Variants in ZNF738 observed in about 807,000 individuals in gnomAD.
ZNF738 encodes the protein zinc finger protein 738.
Under a neutral mutation model 9.2 loss-of-function variants are expected in ZNF738, and 10 were observed. The ratio of observed to expected loss-of-function variants is 1.09; its 90% confidence interval spans 0.67 to 1.85. The LOEUF is 1.85. Ranked by LOEUF, ZNF738 falls within the 40% of genes most tolerant of loss-of-function variation. The probability of loss-of-function intolerance (pLI) is 0.00; values close to 1 mark genes in which losing one functional copy is unlikely to be tolerated. For synonymous variants in ZNF738, 113 were observed against 94.5 expected (o/e 1.20, Z -1.14); for missense variants, 346 against 283.6 (o/e 1.22, Z -1.58).
intron 2 of ZNF738, among the ~76,000 whole-genome samples, chr19:21,374,348 T>C (rs1973898339): frequency 6.6e-6 from 1 of 152,266 alleles, no homozygotes; most frequent in African/African-American, 2.4e-5. Context: ...TATCTGCATC[T>C]TGAACTCTGC....
intron 4 of ZNF738, chr19:21,379,074 A>G (rs1040204793): frequency 1.3e-5 from 2 of 151,110 alleles, no homozygotes; most frequent in African/African-American, 4.9e-5. Flanking sequence ...TTTTACCTCC[A>G]TAATTTCTGT....
intron 2 of ZNF738, among the ~76,000 whole-genome samples, chr19:21,365,378 C>G (rs1395357556): frequency 6.6e-6 from 1 of 152,114 alleles, no homozygotes; most frequent in Non-Finnish European, 1.5e-5. Context: ...ATTTTACCCA[C>G]CCCCTATTCA....
At chr19:21,367,393 C>CT (rs1335567124) in intron 2 of ZNF738, among the ~76,000 whole-genome samples, 9 of 152,028 alleles carry the variant, frequency 5.9e-5, no homozygotes, top group African/African-American at 1.9e-4. Flanking sequence ...ATAGATGGGC[C>CT]TATGGGGTTT....
At chr19:21,378,606 CTTTTTT>C in intron 4 of ZNF738, 91 of 263,046 alleles carry the variant, frequency 3.5e-4, no homozygotes, top group East Asian at 5.7e-4. Flanking sequence ...AATAATATCA[CTTTTTT>C]TTTTTTTTTT....
intron 2 of ZNF738, chr19:21,372,662 T>A (rs1196075660): frequency 2.6e-5 from 4 of 152,134 alleles, no homozygotes; most frequent in Non-Finnish European, 5.9e-5. Flanking sequence ...CACAAAAAAA[T>A]TTCTCTAAAC....
rs549597216 is a variant in ZNF738, at chr19:21,383,815, G to T, written c.*141G>T. On this transcript the variant is annotated 3_prime_UTR_variant, in exon 5 of 5. Transcript: ENST00000683779. Reference sequence around the variant, plus strand: ...TTACTACTCATGAAAATTCATTCTGGAGAGAAACCCTACAAATGTGGAGAA... The same window carrying T: ...TTACTACTCATGAAAATTCATTCTGTAGAGAAACCCTACAAATGTGGAGAA... 2 of 1,247,138 alleles carry T rather than the reference G, an allele frequency of 1.6e-6. No homozygotes were observed. Among genetic ancestry groups the T allele is most frequent in the African/African-American group, 3.0e-5 (2 of 66,684 alleles). The allele number at this position is 1,247,138 out of a possible 1,614,324, so 77.3% of individuals were successfully genotyped here. A position where few individuals can be genotyped will look rare whatever the true frequency, so the allele number is the denominator to read the frequency against.
At chr19:21,371,650 T>A (rs1363164801) in intron 2 of ZNF738, among the ~76,000 whole-genome samples, 1 of 152,232 alleles carries the variant, frequency 6.6e-6, no homozygotes, top group African/African-American at 2.4e-5. Context: ...ATGGTTGAAT[T>A]AAGCATTATA....
chr19:21,372,350 CA>C (rs1568368571), intron 2 of ZNF738: 1 of 152,114 alleles, frequency 6.6e-6, no homozygotes, highest in Non-Finnish European at 1.5e-5. Flanking sequence ...CAGTTCTGAT[CA>C]GATTCACCAT....
Position 21,382,999 on chromosome 19 carries a change from G to A in ZNF738, c.453G>A (p.Val151=), listed in dbSNP as rs566235969. ...DLQLRKGCKS[V]NECNVQKEGY... ...AGTTAAGAAAAGGCTGTAAAAGTGT[G>A]AATGAGTGTAATGTGCAAAAAGAAG... is the stretch of plus-strand genomic sequence containing the variant. The change falls in exon 5 of 5, where the codon GTG becomes GTA. Residue 151 remains valine (V), a synonymous_variant. Transcript: ENST00000683779. 57 of 715,832 alleles carry A rather than the reference G, an allele frequency of 8.0e-5. No individual in the cohort carries two copies. The African/African-American group carries it at 9.5e-4, about 12-fold the overall frequency. 44.3% of individuals were successfully genotyped at this position (715,832 alleles called of 1,614,324 possible). A position where few individuals can be genotyped will look rare whatever the true frequency, so the allele number is the denominator to read the frequency against.
At chr19:21,376,017 A>C (rs1345255521) in intron 4 of ZNF738, 53 bp downstream of exon 4, 1 of 208,498 alleles carries the variant, frequency 4.8e-6, no homozygotes, top group Non-Finnish European at 1.0e-5. Context: ...GGAAGATTAC[A>C]AAAAAAAAAA....
rs867724933 is a variant in ZNF738 at position 21,386,219 on chromosome 19, T to G, written c.*2545T>G. ...CAAAGCCTTTAATGGTCCCCTCAACTTTCTGCACATAAGATAATTTATACT... is the reference window on the plus strand; with the variant it reads ...CAAAGCCTTTAATGGTCCCCTCAACGTTCTGCACATAAGATAATTTATACT... On this transcript the variant is annotated 3_prime_UTR_variant, in exon 5 of 5. Transcript: ENST00000683779. 3.5e-6 allele frequency: 1 copy of G among 286,576 alleles called. No individual in the cohort carries two copies. Among genetic ancestry groups the G allele is most frequent in the Non-Finnish European group, 7.1e-6 (1 of 140,304 alleles). The allele number at this position is 286,576 out of a possible 1,614,324, so 17.8% of individuals were successfully genotyped here.
chr19:21,378,615 T>C, intron 4 of ZNF738: 1 of 340,180 alleles, frequency 2.9e-6, no homozygotes, highest in Admixed American at 3.8e-5. Flanking sequence ...ACTTTTTTTT[T>C]TTTTTTTTTT....
chr19:21,388,573 T>A lies in ZNF738; in HGVS notation c.*4899T>A, dbSNP rs1264060030. ...TATATAATAAAATGCAGCACATTTT[T>A]AAAATTTTACATTATGTGTGAAGTT... On this transcript the variant is annotated 3_prime_UTR_variant, in exon 5 of 5. Transcript: ENST00000683779. Among the ~76,000 whole-genome samples, 1 of 152,152 alleles carries A rather than the reference T, an allele frequency of 6.6e-6. No homozygotes were observed. The highest frequency in any genetic ancestry group is 1.5e-5 in the Non-Finnish European group (1 of 68,010).
At chr19:21,364,931 T>G (rs1344877458) in intron 2 of ZNF738, among the ~76,000 whole-genome samples, 7 of 147,052 alleles carry the variant, frequency 4.8e-5, no homozygotes, top group Non-Finnish European at 1.1e-4. Context: ...TTTTTTTTTT[T>G]TTTTTTTTAG....
Position 21,375,342 on chromosome 19 carries a change from C to A in ZNF738, c.201C>A (p.Asn67Lys), listed in dbSNP as rs1555727814. ...QDLYRKVMLE[N>K]FRNLVFLGID... ...TGTATAGGAAAGTGATGTTAGAGAA[C>A]TTCAGAAACCTGGTGTTCTTGGGTG... The change falls in exon 3 of 5, where the codon AAC becomes AAA. Residue 67 changes from asparagine (N) to lysine (K), a missense_variant. Transcript: ENST00000683779. The A allele has an allele frequency of 2.1e-6, 2 of 940,910 alleles. No individual in the cohort carries two copies. The highest frequency in any genetic ancestry group is 3.5e-6 in the Non-Finnish European group (2 of 572,090). 58.3% of individuals were successfully genotyped at this position (940,910 alleles called of 1,614,324 possible). A position where few individuals can be genotyped will look rare whatever the true frequency, so the allele number is the denominator to read the frequency against.
rs1301707968 is a variant in ZNF738, at chr19:21,375,288, G to GCAAT, written c.148_151dup (p.Cys51SerfsTer12). 8.7e-7 allele frequency: 1 copy of GCAAT among 1,148,864 alleles called. No individual in the cohort carries two copies. Among genetic ancestry groups the GCAAT allele is most frequent in the Admixed American group, 1.7e-5 (1 of 58,548 alleles). The allele number at this position is 1,148,864 out of a possible 1,614,324, so 71.2% of individuals were successfully genotyped here. A position where few individuals can be genotyped will look rare whatever the true frequency, so the allele number is the denominator to read the frequency against. On this transcript the variant is annotated frameshift_variant, in exon 3 of 5. Coordinates refer to ENST00000683779, the MANE Select transcript of ZNF738 (RefSeq NM_001355237.2). LOFTEE classifies it high-confidence loss of function. The stretch of plus-strand genomic sequence containing the variant: ...TCATAGAATTCTCTCAGGAGGAGTG[G>GCAAT]CAATGCCTGGACACTGCTCAGCAAG...
At chr19:21,363,228 G>A (rs2219840) in intron 2 of ZNF738, among the ~76,000 whole-genome samples, 86,043 of 152,038 alleles carry the variant, frequency 0.57, 24,632 homozygotes, top group Middle Eastern at 0.69. Context: ...GGAATACTGT[G>A]TTTGAGTAAT....
intron 4 of ZNF738, chr19:21,378,584 A>C (rs1464093326): frequency 2.8e-6 from 1 of 359,318 alleles, no homozygotes; most frequent in East Asian, 1.0e-4. Flanking sequence ...ATCTCATAAG[A>C]GTATTCTTGC....
At chr19:21,360,784 T>C (rs1490096050) in intron 1 of ZNF738, among the ~76,000 whole-genome samples, 3 of 151,314 alleles carry the variant, frequency 2.0e-5, no homozygotes, top group African/African-American at 7.3e-5. Context: ...TTTTATACCG[T>C]ATTTTAATTA....
Sources: gnomAD v4.1 joint callset for allele counts (sites outside exome capture counted in the v4.1 genomes callset) on GRCh38, gnomAD v4.1.1 for gene constraint, MANE v1.5 for transcripts, NCBI Gene and HGNC (gene_info 2026-07-23, HGNC 2026-07-21) for gene names.